Variants in SCLT1 observed in about 807,000 individuals in gnomAD.
SCLT1 encodes sodium channel-associated protein 1.
SCLT1 carries 78 observed loss-of-function variants against 112.8 expected under a neutral mutation model. That is an observed-to-expected ratio of 0.69 (90% CI 0.58 to 0.83). SCLT1 has a LOEUF of 0.83. SCLT1 is among the 40% of genes least tolerant of loss of function. The pLI is 0.00. For synonymous variants in SCLT1, 257 were observed against 254.7 expected (o/e 1.01, Z -0.09); for missense variants, 747 against 770.4 (o/e 0.97, Z 0.36).
chr4:129,000,013 T>C (rs762966892), intron 6 of SCLT1, among the ~76,000 whole-genome samples: 9 of 151,944 alleles, frequency 5.9e-5, no homozygotes, highest in Non-Finnish European at 1.2e-4. Context: ...TTTGAAATTG[T>C]GGTTTTACTC....
At chr4:128,985,450 T>A (rs907172902) in intron 9 of SCLT1, among the ~76,000 whole-genome samples, 1 of 152,210 alleles carries the variant, frequency 6.6e-6, no homozygotes, top group East Asian at 1.9e-4. Context: ...TAGTATCATG[T>A]TTTTACTTGC....
At chr4:128,942,542 T>C (rs1171373499) in intron 17 of SCLT1, among the ~76,000 whole-genome samples, 1 of 152,038 alleles carries the variant, frequency 6.6e-6, no homozygotes, top group Admixed American at 6.6e-5. Context: ...TTAGATGACA[T>C]TTTTGCCTCT....
chr4:128,881,006 C>T (rs912695857), downstream of SCLT1, among the ~76,000 whole-genome samples: 1 of 152,050 alleles, frequency 6.6e-6, no homozygotes, highest in Non-Finnish European at 1.5e-5. Flanking sequence ...TAGAGGGTAC[C>T]AGTGTTGTAA....
chr4:129,022,327 T>C (rs1745560641), intron 5 of SCLT1, among the ~76,000 whole-genome samples: 2 of 152,098 alleles, frequency 1.3e-5, no homozygotes, highest in Admixed American at 1.3e-4. Context: ...CTTCAGAAGG[T>C]GGGTAATAAA....
intron 8 of SCLT1, among the ~76,000 whole-genome samples, chr4:128,996,042 T>C (rs1029245113): frequency 6.6e-6 from 1 of 151,770 alleles, no homozygotes; most frequent in Non-Finnish European, 1.5e-5. Flanking sequence ...CTCAGAAAAT[T>C]TGGGGTGATG....
intron 1 of SCLT1, among the ~76,000 whole-genome samples, chr4:129,087,470 A>C (rs1752491332): frequency 6.6e-6 from 1 of 151,956 alleles, no homozygotes; most frequent in Admixed American, 6.6e-5. Flanking sequence ...AAAACCAGAC[A>C]AAAATATTGG....
intron 1 of SCLT1, among the ~76,000 whole-genome samples, chr4:129,088,374 A>C (rs72685352): frequency 0.27 from 41,048 of 152,078 alleles, 5,924 homozygotes; most frequent in South Asian, 0.36. Flanking sequence ...GAACATTCTC[A>C]ACATAAGAAC....
chr4:128,892,554 T>C (rs1733410440), intron 18 of SCLT1, among the ~76,000 whole-genome samples: 1 of 152,186 alleles, frequency 6.6e-6, no homozygotes, highest in Admixed American at 6.5e-5. Flanking sequence ...GCCTAAAAAC[T>C]TGGTAAGCCT....
chr4:128,896,698 A>ATTC (rs1203332859), intron 18 of SCLT1, among the ~76,000 whole-genome samples: 2 of 152,208 alleles, frequency 1.3e-5, no homozygotes, highest in African/African-American at 4.8e-5. Flanking sequence ...AGTTGAGAGA[A>ATTC]GAAGGCTTCA....
intron 5 of SCLT1, among the ~76,000 whole-genome samples, chr4:129,016,863 G>T (rs1360681855): frequency 6.6e-6 from 1 of 152,080 alleles, no homozygotes; most frequent in Non-Finnish European, 1.5e-5. Context: ...TTAAGATTTT[G>T]TCAAGATTTT....
intron 18 of SCLT1, among the ~76,000 whole-genome samples, chr4:128,920,592 G>C (rs1447713470): frequency 6.6e-6 from 1 of 152,116 alleles, no homozygotes; most frequent in East Asian, 1.9e-4. Flanking sequence ...CCTAGAAAAG[G>C]CTTTTAATAA....
intron 12 of SCLT1, among the ~76,000 whole-genome samples, 187 bp downstream of exon 12, chr4:128,959,413 A>G (rs1560894011): frequency 1.3e-5 from 2 of 152,144 alleles, no homozygotes; most frequent in African/African-American, 4.8e-5. Flanking sequence ...TTTAGAAAAG[A>G]ATTGATGTTT....
chr4:129,033,324 C>T (rs1467458670), intron 5 of SCLT1, among the ~76,000 whole-genome samples: 1 of 150,146 alleles, frequency 6.7e-6, no homozygotes, highest in Non-Finnish European at 1.5e-5. Context: ...GGGAACATCA[C>T]ACATTGGGGC....
chr4:128,950,894 C>T (rs1394084265), intron 14 of SCLT1, among the ~76,000 whole-genome samples: 2 of 152,148 alleles, frequency 1.3e-5, no homozygotes, highest in Non-Finnish European at 2.9e-5. Context: ...TTAAGATAAA[C>T]TACACCTTAC....
chr4:128,988,457 A>G (rs1223360207), intron 9 of SCLT1, among the ~76,000 whole-genome samples: 1 of 151,948 alleles, frequency 6.6e-6, no homozygotes, highest in East Asian at 1.9e-4. Context: ...CCTCATGGTA[A>G]CCACAAAAAC....
intron 9 of SCLT1, among the ~76,000 whole-genome samples, chr4:128,983,076 T>C (rs112494702): frequency 0.012 from 1,848 of 149,354 alleles, 26 homozygotes; most frequent in Middle Eastern, 0.041. Context: ...TTAGTAGAGA[T>C]GGGGTTTCTC....
intron 5 of SCLT1, among the ~76,000 whole-genome samples, chr4:129,010,900 T>C (rs567489102): frequency 6.6e-6 from 1 of 152,302 alleles, no homozygotes; most frequent in Non-Finnish European, 1.5e-5. Context: ...TCTTCCTATT[T>C]GGATTACATT....
At chr4:129,038,642 T>A (rs1272987301) in intron 5 of SCLT1, among the ~76,000 whole-genome samples, 4 of 152,184 alleles carry the variant, frequency 2.6e-5, no homozygotes, top group Non-Finnish European at 4.4e-5. Context: ...TGGCAACATT[T>A]TAACATTCAA....
At chr4:129,070,633 T>C (rs1003631147) in intron 2 of SCLT1, among the ~76,000 whole-genome samples, 2 of 152,226 alleles carry the variant, frequency 1.3e-5, no homozygotes, top group African/African-American at 4.8e-5. Context: ...AGTGAGGTTA[T>C]TGGATTTTCT....
Sources: allele counts gnomAD v4.1 joint callset (sites outside exome capture counted in the v4.1 genomes callset), GRCh38; gene constraint gnomAD v4.1.1; transcripts MANE v1.5; gene names NCBI Gene and HGNC (gene_info 2026-07-23, HGNC 2026-07-21).